Variants in SYN3 observed in about 807,000 individuals in gnomAD.
SYN3 encodes synapsin III.
In SYN3, 35 loss-of-function variants were observed where a neutral mutation model predicts 65.8. The ratio of observed to expected loss-of-function variants is 0.53; its 90% CI spans 0.41 to 0.70. The LOEUF (loss-of-function observed/expected upper bound fraction) is 0.70. Among genes scored for constraint, SYN3 ranks in the 30% least tolerant of loss-of-function variants. The pLI, the probability that SYN3 is intolerant of heterozygous loss-of-function variation, is 0.00. For synonymous variants in SYN3, 270 were observed against 292.9 expected (o/e 0.92, Z 0.80); for missense variants, 680 against 749.0 (o/e 0.91, Z 1.08).
intron 7 of SYN3, among the ~76,000 whole-genome samples, chr22:32,571,691 T>C (rs145632488): frequency 1.3e-5 from 2 of 152,176 alleles, no homozygotes; most frequent in East Asian, 3.9e-4. Context: ...CTAGCTAGGG[T>C]TAAAATAAAA....
At chr22:32,920,963 G>A (rs149761522) in intron 4 of SYN3, among the ~76,000 whole-genome samples, 2 of 152,268 alleles carry the variant, frequency 1.3e-5, no homozygotes, top group African/African-American at 4.8e-5. Context: ...TCCTGCTCAA[G>A]TCTAGATTAA....
chr22:32,620,383 G>A (rs2059577559), intron 6 of SYN3, among the ~76,000 whole-genome samples: 1 of 152,034 alleles, frequency 6.6e-6, no homozygotes, highest in Non-Finnish European at 1.5e-5. Context: ...GAAATCTTGT[G>A]GCTTCCATTT....
At chr22:32,816,699 A>G (rs2047095354) in intron 6 of SYN3, among the ~76,000 whole-genome samples, 1 of 152,174 alleles carries the variant, frequency 6.6e-6, no homozygotes, top group Non-Finnish European at 1.5e-5. Context: ...TAAATTTGCC[A>G]TCAGACTTGG....
chr22:32,688,436 A>G (rs2147143561), intron 6 of SYN3, among the ~76,000 whole-genome samples: 1 of 152,112 alleles, frequency 6.6e-6, no homozygotes, highest in East Asian at 1.9e-4. Flanking sequence ...CTGGGTTAAT[A>G]TCTGGGGGAA....
At chr22:32,992,799 C>T (rs998346643) in intron 2 of SYN3, among the ~76,000 whole-genome samples, 9 of 152,066 alleles carry the variant, frequency 5.9e-5, no homozygotes, top group Admixed American at 3.9e-4. Flanking sequence ...GGTGACATAG[C>T]GAGACTCCAT....
intron 7 of SYN3, among the ~76,000 whole-genome samples, chr22:32,582,181 C>T (rs1264560594): frequency 6.6e-6 from 1 of 152,164 alleles, no homozygotes; most frequent in African/African-American, 2.4e-5. Flanking sequence ...AGGATGGCCT[C>T]GAACTCCCAG....
At chr22:32,683,052 C>T (rs2060544435) in intron 6 of SYN3, among the ~76,000 whole-genome samples, 1 of 152,172 alleles carries the variant, frequency 6.6e-6, no homozygotes, top group South Asian at 2.1e-4. Flanking sequence ...ACTGGAAGGT[C>T]ATCCATGCAA....
At chr22:32,669,338 G>A (rs1256869310) in intron 6 of SYN3, among the ~76,000 whole-genome samples, 2 of 152,214 alleles carry the variant, frequency 1.3e-5, no homozygotes, top group African/African-American at 4.8e-5. Context: ...GAGGATTAGA[G>A]CCAAAAATCT....
At chr22:33,042,789 T>C (rs1019648594) in intron 1 of SYN3, among the ~76,000 whole-genome samples, 9 of 152,160 alleles carry the variant, frequency 5.9e-5, no homozygotes, top group African/African-American at 9.7e-5. Flanking sequence ...GTTAGGAATC[T>C]TGAGTAGGAG....
At chr22:32,979,187 C>CAAAAA (rs35720827) in intron 3 of SYN3, among the ~76,000 whole-genome samples, 3 of 88,760 alleles carry the variant, frequency 3.4e-5, no homozygotes, top group Non-Finnish European at 6.5e-5. Flanking sequence ...GACTCCATCT[C>CAAAAA]AAAAAAAAAA....
Position 32,599,764 on chromosome 22 carries a change from G to A in SYN3, c.712-3028C>T, listed in dbSNP as rs550350247. 5.3e-5 allele frequency among the ~76,000 whole-genome samples: 8 copies of A among 152,194 alleles called. No homozygotes were observed. The East Asian group carries it at 9.7e-4, about 18-fold the overall frequency. ...AATAAAATAATATCAAATCAATTGC[G>A]TGGGCACGACTGAATGAGAACTATG... is the stretch of plus-strand genomic sequence containing the variant. On this transcript the variant is annotated intron_variant, in intron 6 of 13. Coordinates refer to ENST00000358763, the MANE Select transcript of SYN3 (RefSeq NM_003490.4).
intron 6 of SYN3, among the ~76,000 whole-genome samples, chr22:32,858,436 G>T (rs2146292176): frequency 6.6e-6 from 1 of 152,282 alleles, no homozygotes; most frequent in South Asian, 2.1e-4. Flanking sequence ...GGCAGTTCAA[G>T]GCTGGAGGTA....
chr22:32,548,396 C>T (rs5998535), intron 7 of SYN3, among the ~76,000 whole-genome samples: 4,066 of 151,930 alleles, frequency 0.027, 192 homozygotes, highest in African/African-American at 0.093. Context: ...TTTTTTGAGA[C>T]GGAATCTTGC....
At chr22:32,809,597 T>A (rs1291326032) in intron 6 of SYN3, among the ~76,000 whole-genome samples, 1 of 152,226 alleles carries the variant, frequency 6.6e-6, no homozygotes, top group African/African-American at 2.4e-5. Context: ...CGACACAATT[T>A]CATGTGTTGA....
At chr22:33,036,811 C>T (rs2053870432) in intron 1 of SYN3, among the ~76,000 whole-genome samples, 1 of 151,652 alleles carries the variant, frequency 6.6e-6, no homozygotes. Flanking sequence ...CCTGCCTCAG[C>T]CTCCTGAGTA....
At chr22:32,658,531 G>A (rs2060173844) in intron 6 of SYN3, among the ~76,000 whole-genome samples, 2 of 152,200 alleles carry the variant, frequency 1.3e-5, no homozygotes, top group African/African-American at 2.4e-5. Context: ...CATCTCTCAC[G>A]CTCATTGAAG....
chr22:32,859,419 G>C (rs763318366), intron 6 of SYN3: 1 of 1,585,232 alleles, frequency 6.3e-7, no homozygotes, highest in East Asian at 2.3e-5. Flanking sequence ...CCTTCCCGCT[G>C]AGCTTCCCTT....
At chr22:32,889,488 G>C (rs1280589494) in intron 4 of SYN3, among the ~76,000 whole-genome samples, 4 of 151,856 alleles carry the variant, frequency 2.6e-5, no homozygotes, top group Non-Finnish European at 5.9e-5. Context: ...CTTATTTAAA[G>C]AAAATAAAAT....
At chr22:33,031,854 T>C (rs2053760749) in intron 1 of SYN3, among the ~76,000 whole-genome samples, 1 of 152,030 alleles carries the variant, frequency 6.6e-6, no homozygotes, top group Non-Finnish European at 1.5e-5. Context: ...AGGCCAGACA[T>C]GTCCCATTCC....
Sources: gnomAD v4.1 joint callset for allele counts (sites outside exome capture counted in the v4.1 genomes callset) on GRCh38, gnomAD v4.1.1 for gene constraint, MANE v1.5 for transcripts, NCBI Gene and HGNC (gene_info 2026-07-23, HGNC 2026-07-21) for gene names.